PLCL1: variants seen among roughly 807,000 people sequenced by gnomAD.
PLCL1 encodes the protein inactive phospholipase C-like protein 1.
In PLCL1, 41 loss-of-function variants were observed where a neutral mutation model predicts 84.4. The observed-to-expected ratio is 0.49, with a 90% CI of 0.38 to 0.63. The LOEUF (loss-of-function observed/expected upper bound fraction) is 0.63. Among genes scored for constraint, PLCL1 ranks in the 30% least tolerant of loss-of-function variants. The pLI is 0.00. For missense variants in PLCL1, 1,206 were observed against 1,367.8 expected (o/e 0.88, Z 1.87); for synonymous variants, 490 against 488.3 (o/e 1.00, Z -0.05).
intron 1 of PLCL1, among the ~76,000 whole-genome samples, chr2:197,833,214 C>T (rs1691108766): frequency 6.6e-6 from 1 of 152,188 alleles, no homozygotes; most frequent in African/African-American, 2.4e-5. Context: ...ATGACAAACC[C>T]ATAGCCAATA....
intron 1 of PLCL1, among the ~76,000 whole-genome samples, chr2:197,885,413 G>A (rs547865579): frequency 6.6e-6 from 1 of 152,270 alleles, no homozygotes; most frequent in African/African-American, 2.4e-5. Context: ...GGTGAGACAA[G>A]AAACAGAGAA....
chr2:198,049,851 G>A (rs1691885483), intron 1 of PLCL1, among the ~76,000 whole-genome samples: 1 of 152,178 alleles, frequency 6.6e-6, no homozygotes, highest in African/African-American at 2.4e-5. Context: ...TGGATTGGGT[G>A]GCTGAAAGTT....
chr2:197,858,825 GC>G (rs1346009898), intron 1 of PLCL1, among the ~76,000 whole-genome samples: 1 of 152,052 alleles, frequency 6.6e-6, no homozygotes, highest in East Asian at 1.9e-4. Context: ...TGCTGATCTG[GC>G]CTTGGCTCAC....
chr2:198,028,392 G>GATAT (rs1461520241), intron 1 of PLCL1, among the ~76,000 whole-genome samples: 4 of 152,054 alleles, frequency 2.6e-5, no homozygotes. Context: ...CCTTGCTACG[G>GATAT]ATGTGGGCTT....
chr2:198,126,407 C>T (rs544449974), intron 5 of PLCL1, among the ~76,000 whole-genome samples: 1 of 152,162 alleles, frequency 6.6e-6, no homozygotes, highest in Non-Finnish European at 1.5e-5. Flanking sequence ...ATCTTTTCAA[C>T]TTTTTGTCTT....
intron 3 of PLCL1, among the ~76,000 whole-genome samples, chr2:198,093,255 A>G (rs1693096569): frequency 6.6e-6 from 1 of 152,228 alleles, no homozygotes; most frequent in South Asian, 2.1e-4. Context: ...TATAGAATGT[A>G]CAACACAAAG....
At chr2:198,010,550 G>T (rs1048929143) in intron 1 of PLCL1, among the ~76,000 whole-genome samples, 9 of 151,714 alleles carry the variant, frequency 5.9e-5, no homozygotes, top group Non-Finnish European at 1.3e-4. Flanking sequence ...GCTTGAATTT[G>T]GTTTGCTATT....
chr2:198,080,009 AG>A (rs1692672532), intron 1 of PLCL1, among the ~76,000 whole-genome samples: 1 of 152,216 alleles, frequency 6.6e-6, no homozygotes, highest in Non-Finnish European at 1.5e-5. Flanking sequence ...TTGGTACTTC[AG>A]CCTCTTGCCT....
chr2:197,914,954 A>G (rs1418078601), intron 1 of PLCL1, among the ~76,000 whole-genome samples: 1 of 152,194 alleles, frequency 6.6e-6, no homozygotes, highest in Admixed American at 6.5e-5. Context: ...TTGTTTCCTC[A>G]TAAATAACCT....
intron 1 of PLCL1, among the ~76,000 whole-genome samples, chr2:198,069,058 AT>A (rs1212942801): frequency 6.6e-6 from 1 of 151,912 alleles, no homozygotes; most frequent in Non-Finnish European, 1.5e-5. Context: ...TAAAATAAAA[AT>A]AAAAAAATAA....
chr2:198,043,715 A>G (rs73061068), intron 1 of PLCL1, among the ~76,000 whole-genome samples: 26,027 of 151,876 alleles, frequency 0.17, 2,315 homozygotes, highest in East Asian at 0.26. Context: ...CCAAGTGCAG[A>G]TTGTCCAGAG....
chr2:197,819,954 C>T lies in PLCL1; in HGVS notation c.240+14615C>T, dbSNP rs140623968. Among the ~76,000 whole-genome samples the T allele has an allele frequency of 5.6e-3, 846 of 151,272 alleles. 5 individuals are homozygous for T. Among genetic ancestry groups the T allele is most frequent in the African/African-American group, 0.02 (811 of 41,172 alleles). On this transcript the variant is annotated intron_variant, in intron 1 of 5. Transcript: ENST00000428675. The stretch of plus-strand genomic sequence containing the variant: ...AGGGTTGGGGGAAGGTATACTTTTA[C>T]TCTTCATTTTCTTTTGTCTTCCAAA...
intron 1 of PLCL1, among the ~76,000 whole-genome samples, chr2:197,837,038 T>G (rs1348192545): frequency 6.6e-6 from 1 of 152,106 alleles, no homozygotes; most frequent in Non-Finnish European, 1.5e-5. Context: ...GTATCAGTTT[T>G]TGTGAGAGAT....
intron 1 of PLCL1, among the ~76,000 whole-genome samples, chr2:197,928,604 T>C (rs1688876214): frequency 6.6e-6 from 1 of 152,170 alleles, no homozygotes; most frequent in Admixed American, 6.5e-5. Flanking sequence ...TTTTTTGACT[T>C]GGACTGGATC....
At chr2:198,126,247 CT>C (rs149246292) in intron 5 of PLCL1, among the ~76,000 whole-genome samples, 1,938 of 152,222 alleles carry the variant, frequency 0.013, 40 homozygotes, top group African/African-American at 0.043. Flanking sequence ...CACCATTTCT[CT>C]TCTGTGCTTA....
rs114553456 is a variant in PLCL1, at chr2:197,982,145, A to C, written c.241-101613A>C. On this transcript the variant is annotated intron_variant, in intron 1 of 5. Transcript: ENST00000428675. Reference sequence around the variant, plus strand: ...ATTTGATTTACTGAATTAGTGAATAAATTTATTTTTGTCTGAGTTTTTATT... The same window carrying C: ...ATTTGATTTACTGAATTAGTGAATACATTTATTTTTGTCTGAGTTTTTATT... 3.9e-3 allele frequency among the ~76,000 whole-genome samples: 584 copies of C among 151,556 alleles called. 4 individuals carry two copies. The highest frequency in any genetic ancestry group is 0.013 in the African/African-American group (538 of 41,422).
At chr2:198,100,082 TAATA>T (rs1262451608) in intron 3 of PLCL1, among the ~76,000 whole-genome samples, 1 of 152,132 alleles carries the variant, frequency 6.6e-6, no homozygotes, top group African/African-American at 2.4e-5. Context: ...AAGTGGTCAG[TAATA>T]AATAAAATGT....
At chr2:197,941,472 T>A (rs915705101) in intron 1 of PLCL1, among the ~76,000 whole-genome samples, 2 of 152,142 alleles carry the variant, frequency 1.3e-5, no homozygotes, top group Non-Finnish European at 2.9e-5. Flanking sequence ...TTCATTTTTT[T>A]ATAGAGATAG....
intron 1 of PLCL1, among the ~76,000 whole-genome samples, chr2:197,908,431 G>A (rs895718539): frequency 6.6e-6 from 1 of 152,186 alleles, no homozygotes; most frequent in Admixed American, 6.5e-5. Flanking sequence ...CCCCGCATCT[G>A]CCTTGCTCCT....
Sources: gnomAD v4.1 joint callset for allele counts (sites outside exome capture counted in the v4.1 genomes callset) on GRCh38, gnomAD v4.1.1 for gene constraint, MANE v1.5 for transcripts, NCBI Gene and HGNC (gene_info 2026-07-23, HGNC 2026-07-21) for gene names.